The following RYR1 variants were observed in gnomAD, a reference collection of about 807,000 sequenced individuals.
RYR1 encodes the protein central core disease of muscle.
In RYR1, 342 loss-of-function variants were observed where a neutral mutation model predicts 583.5. The ratio of observed to expected loss-of-function variants is 0.59; its 90% CI spans 0.54 to 0.64. RYR1 has a LOEUF of 0.64. Ranked by LOEUF, RYR1 falls within the 30% of genes least tolerant of loss-of-function variation. RYR1 has a pLI of 0.00. For synonymous variants in RYR1, 2,791 were observed against 2,822.5 expected (o/e 0.99, Z 0.35); for missense variants, 6,032 against 6,917.2 (o/e 0.87, Z 4.54).
rs1268146145 is a variant in RYR1, at chr19:38,507,078, G to T, written c.8816+126G>T. 2.1e-6 allele frequency: 3 copies of T among 1,460,160 alleles called. No homozygotes were observed. In the African/African-American group the frequency reaches 4.2e-5, roughly 21 times the overall value. 90.5% of individuals were successfully genotyped at this position (1,460,160 alleles called of 1,614,324 possible). A position where few individuals can be genotyped will look rare whatever the true frequency, so the allele number is the denominator to read the frequency against. On this transcript the variant is annotated intron_variant, in intron 57 of 105. Transcript: ENST00000359596. The stretch of plus-strand genomic sequence containing the variant: ...GGCCTGAGGAGCAAAGATGGAACCA[G>T]AGGGGAGGAGCTAAGGGAGTGGGGC...
At chr19:38,448,903 C>T (rs1966933060) in intron 11 of RYR1, 90 bp downstream of exon 11, 7 of 1,236,218 alleles carry the variant, frequency 5.7e-6, no homozygotes, top group Non-Finnish European at 8.1e-6. Flanking sequence ...GTGATCATGC[C>T]ACTGTACTCC....
intron 20 of RYR1, among the ~76,000 whole-genome samples, chr19:38,462,476 C>T (rs918333907): frequency 1.3e-4 from 20 of 151,894 alleles, no homozygotes; most frequent in East Asian, 3.9e-4. Flanking sequence ...GCTGTCCACT[C>T]GGCCTCCCAG....
rs370111319 is a variant in RYR1, at chr19:38,489,174, T to C, written c.5548-3T>C. 6.8e-6 allele frequency: 11 copies of C among 1,613,944 alleles called. No homozygotes were observed. Among genetic ancestry groups the C allele is most frequent in the Non-Finnish European group, 9.3e-6 (11 of 1,179,992 alleles). On this transcript the variant is annotated splice_polypyrimidine_tract_variant and splice_region_variant and intron_variant, in intron 34 of 105. Transcript: ENST00000359596. ...AGTGAAGAACCGAGACTTTGTCCTGTAGGTGATGGGCATCTTTGGCGATGA... is the reference window on the plus strand; with the variant it reads ...AGTGAAGAACCGAGACTTTGTCCTGCAGGTGATGGGCATCTTTGGCGATGA...
Position 38,473,855 on chromosome 19 carries a change from C to T in RYR1, c.4160+84C>T, listed in dbSNP as rs1968571628. The T allele has an allele frequency of 3.0e-6, 3 of 1,008,478 alleles. No homozygotes were observed. The East Asian group carries it at 7.9e-5, about 26-fold the overall frequency. The allele number at this position is 1,008,478 out of a possible 1,614,324, so 62.5% of individuals were successfully genotyped here. A position where few individuals can be genotyped will look rare whatever the true frequency, so the allele number is the denominator to read the frequency against. On this transcript the variant is annotated intron_variant, in intron 28 of 105. Coordinates refer to ENST00000359596, the MANE Select transcript of RYR1 (RefSeq NM_000540.3). The stretch of plus-strand genomic sequence containing the variant: ...CAACCACAGTAACCTGAGAAACCCC[C>T]ATTGTACCCCAAAGTAGACCCATAT...
rs940412379 is a variant in RYR1, at chr19:38,515,362, G to A, written c.9554+255G>A. ...AAGAAAGGGAGGCGCAGACCACGGGGGCTGCACACAGGAGCCACGCAACAC... is the reference window on the plus strand; with the variant it reads ...AAGAAAGGGAGGCGCAGACCACGGGAGCTGCACACAGGAGCCACGCAACAC... On this transcript the variant is annotated intron_variant, in intron 64 of 105. Coordinates refer to ENST00000359596, the MANE Select transcript of RYR1 (RefSeq NM_000540.3). Among the ~76,000 whole-genome samples the A allele has an allele frequency of 1.1e-4, 16 of 152,286 alleles. No individual in the cohort carries two copies. The East Asian group carries it at 2.3e-3, about 22-fold the overall frequency.
intron 31 of RYR1, 74 bp downstream of exon 31, chr19:38,478,674 CT>C (rs1396257362): frequency 2.1e-5 from 33 of 1,535,688 alleles, no homozygotes; most frequent in Non-Finnish European, 2.8e-5. Context: ...TAGATGTCCC[CT>C]GAGGCCAGAC....
chr19:38,532,226 A>G (rs1971769240), intron 76 of RYR1, among the ~76,000 whole-genome samples: 1 of 151,986 alleles, frequency 6.6e-6, no homozygotes. Context: ...GGTTCAAGCA[A>G]TTCTCCTGCC....
At chr19:38,535,721 A>C in intron 81 of RYR1, 1 of 591,340 alleles carries the variant, frequency 1.7e-6, no homozygotes, top group East Asian at 2.9e-5. Context: ...GCCTTTATTC[A>C]CCTCTTGCTG....
intron 90 of RYR1, among the ~76,000 whole-genome samples, chr19:38,563,425 C>T (rs1973244249): frequency 6.6e-6 from 1 of 152,172 alleles, no homozygotes; most frequent in Admixed American, 6.5e-5. Flanking sequence ...CAACCATGCC[C>T]ACCTAATTTT....
rs530426344 is a variant in RYR1 at position 38,482,291 on chromosome 19, A to G, written c.4621-736A>G. Among the ~76,000 whole-genome samples, 99 of 151,910 alleles carry G rather than the reference A, an allele frequency of 6.5e-4. 1 individual carries two copies. Among genetic ancestry groups the G allele is most frequent in the African/African-American group, 2.1e-3 (89 of 41,428 alleles). On this transcript the variant is annotated intron_variant, in intron 31 of 105. Coordinates refer to ENST00000359596, the MANE Select transcript of RYR1 (RefSeq NM_000540.3). Reference sequence around the variant, plus strand: ...TTTTTAACATTTTCCTTTGTCCCCCATATTTCCTGTAAACTGGGAGTTGGG... The same window carrying G: ...TTTTTAACATTTTCCTTTGTCCCCCGTATTTCCTGTAAACTGGGAGTTGGG...
chr19:38,571,400 G>A lies in RYR1; in HGVS notation c.13747-619G>A, dbSNP rs989474862. Among the ~76,000 whole-genome samples, 3 of 152,118 alleles carry A rather than the reference G, an allele frequency of 2.0e-5. No homozygotes were observed. In the East Asian group the frequency reaches 5.8e-4, roughly 29 times the overall value. On this transcript the variant is annotated intron_variant, in intron 94 of 105. Transcript: ENST00000359596. ...TGTAATCCCAGCACTTTGGGAGGCCGAGGTAGGTGGATTACCTGAAGTCCG... is the reference window on the plus strand; with the variant it reads ...TGTAATCCCAGCACTTTGGGAGGCCAAGGTAGGTGGATTACCTGAAGTCCG...
chr19:38,526,606 C>T (rs768632070), intron 71 of RYR1, among the ~76,000 whole-genome samples: 14 of 150,914 alleles, frequency 9.3e-5, no homozygotes, highest in Admixed American at 2.0e-4. Context: ...CCAGTGACTC[C>T]GTTGACCTAC....
chr19:38,436,376 T>G (rs1339180389), intron 1 of RYR1, among the ~76,000 whole-genome samples: 1 of 152,012 alleles, frequency 6.6e-6, no homozygotes, highest in Non-Finnish European at 1.5e-5. Context: ...CTTGGCTAAT[T>G]TGTAAAATTT....
Position 38,499,615 on chromosome 19 carries a change from T to C in RYR1, c.7028-20T>C, listed in dbSNP as rs1442125411. 1.3e-6 allele frequency: 2 copies of C among 1,596,734 alleles called. No individual in the cohort carries two copies. Among genetic ancestry groups the C allele is most frequent in the Non-Finnish European group, 1.7e-6 (2 of 1,179,674 alleles). ...CTGATGGTGGCTCATGAGACCCCCT[T>C]TCCCCATGCGGGTGGCCAGGCGAGA... On this transcript the variant is annotated intron_variant, in intron 43 of 105. Coordinates refer to ENST00000359596, the MANE Select transcript of RYR1 (RefSeq NM_000540.3). The surrounding 1 kb of genome is among the most constrained non-coding windows in gnomAD (Gnocchi z 7.3).
intron 96 of RYR1, among the ~76,000 whole-genome samples, chr19:38,574,655 A>G (rs1227240293): frequency 6.6e-6 from 1 of 152,054 alleles, no homozygotes; most frequent in Non-Finnish European, 1.5e-5. Flanking sequence ...AAAAACAAGT[A>G]GGAATTGGAA....
At chr19:38,568,144 C>G (rs1973533266) in intron 93 of RYR1, among the ~76,000 whole-genome samples, 2 of 152,184 alleles carry the variant, frequency 1.3e-5, no homozygotes, top group African/African-American at 4.8e-5. Context: ...TATCCTTATT[C>G]CAACCTCCAT....
chr19:38,584,697 T>G (rs962771944), intron 101 of RYR1, among the ~76,000 whole-genome samples: 22 of 105,246 alleles, frequency 2.1e-4, no homozygotes, highest in Non-Finnish European at 1.2e-4. Context: ...ATCCTGGCCC[T>G]GACCCCTCTG....
chr19:38,469,073 C>G lies in RYR1; in HGVS notation c.3489C>G (p.Leu1163=), dbSNP rs151086215. 6.8e-6 allele frequency: 11 copies of G among 1,614,168 alleles called. No individual in the cohort carries two copies. The African/African-American group carries it at 1.3e-4, about 20-fold the overall frequency. ...DLTENTIIFT[L]NGEVLMSDSG... is the part of the protein sequence containing the mutation. ...CAGAGAACACCATTATCTTCACCCT[C>G]AATGGCGAGGTCCTCATGTCTGACT... The change falls in exon 26 of 106, where the codon CTC becomes CTG. Residue 1163 remains leucine (L), a synonymous_variant. Transcript: ENST00000359596.
Position 38,543,813 on chromosome 19 carries a change from C to T in RYR1, c.11950C>T (p.Leu3984=), listed in dbSNP as rs1972309450. Residue 3984 remains leucine, a synonymous_variant, in exon 87 of 106, where the codon CTA becomes TTA. Coordinates refer to ENST00000359596, the MANE Select transcript of RYR1 (RefSeq NM_000540.3). The surrounding 1 kb of genome is among the most constrained non-coding windows in gnomAD (Gnocchi z 4.4). ...CCAGCAGAGCCTGGCGCACAGTCGC[C>T]TATGGGACGCAGTGGTGGGATTCCT... is the stretch of plus-strand genomic sequence containing the variant. The part of the protein sequence containing the change: ...GNQQSLAHSR[L]WDAVVGFLHV... 6.2e-7 allele frequency: 1 copy of T among 1,613,950 alleles called. No individual in the cohort carries two copies. Among genetic ancestry groups the T allele is most frequent in the Admixed American group, 1.7e-5 (1 of 60,018 alleles).
Sources: gnomAD v4.1 joint callset for allele counts (sites outside exome capture counted in the v4.1 genomes callset) on GRCh38, gnomAD v4.1.1 for gene constraint, Gnocchi (gnomAD v3.1) non-coding constraint, MANE v1.5 for transcripts, NCBI Gene and HGNC (gene_info 2026-07-23, HGNC 2026-07-21) for gene names.